C16orf96: variants seen among roughly 807,000 people sequenced by gnomAD.
The protein encoded by C16orf96 is uncharacterized protein C16orf96.
Under a neutral mutation model 103.6 loss-of-function variants are expected in C16orf96, and 108 were observed. The observed-to-expected ratio is 1.04, with a 90% CI of 0.89 to 1.22. The LOEUF is 1.22. Ranked by LOEUF, C16orf96 falls within the 50% of genes most tolerant of loss-of-function variation. C16orf96 has a pLI of 0.00. For synonymous variants in C16orf96, 566 were observed against 593.5 expected (o/e 0.95, Z 0.67); for missense variants, 1,586 against 1,464.2 (o/e 1.08, Z -1.36).
upstream of C16orf96, among the ~76,000 whole-genome samples, chr16:4,555,298 A>G (rs2059252550): frequency 2.3e-5 from 3 of 132,310 alleles, no homozygotes; most frequent in Admixed American, 2.3e-4. Context: ...ACACACACAC[A>G]CACACACACA....
intron 14 of C16orf96, among the ~76,000 whole-genome samples, chr16:4,595,118 C>T (rs952840208): frequency 6.6e-6 from 1 of 152,168 alleles, no homozygotes; most frequent in African/African-American, 2.4e-5. Flanking sequence ...TGCCAAGGGA[C>T]GCCAGTCCAC....
chr16:4,567,845 G>A (rs571086310), intron 1 of C16orf96, among the ~76,000 whole-genome samples: 2 of 151,050 alleles, frequency 1.3e-5, no homozygotes, highest in African/African-American at 4.9e-5. Flanking sequence ...CTACAGGCAC[G>A]CACCACCACA....
At chr16:4,579,845 A>G (rs1396097693) in intron 6 of C16orf96, among the ~76,000 whole-genome samples, 170 bp from the exon 7 acceptor site, 2 of 152,040 alleles carry the variant, frequency 1.3e-5, no homozygotes, top group South Asian at 2.1e-4. Flanking sequence ...TCCTGACCTC[A>G]GTTGATCTAC....
upstream of C16orf96, among the ~76,000 whole-genome samples, chr16:4,551,625 G>A (rs543853763): frequency 1.4e-5 from 2 of 146,684 alleles, no homozygotes; most frequent in African/African-American, 5.1e-5. Flanking sequence ...CTGATTTTTT[G>A]TATTTTTTTA....
chr16:4,560,091 C>T (rs1043090257), intron 1 of C16orf96: 2 of 152,178 alleles, frequency 1.3e-5, no homozygotes, highest in African/African-American at 2.4e-5. Flanking sequence ...AATCTCTGCT[C>T]ACTGCAACCT....
In C16orf96 at chr16:4,558,356, C is replaced by G. The variant is rs529913507; in HGVS notation, c.420+1447C>G. On this transcript the variant is annotated intron_variant, in intron 1 of 15. Transcript: ENST00000444310. ...ATAAGCCGAGCACAGTGGCTCACAC[C>G]TATAATCCCAACACTGGGAGGCCAA... Among the ~76,000 whole-genome samples the G allele has an allele frequency of 4.6e-5, 7 of 152,322 alleles. 1 individual carries two copies. The South Asian group carries it at 1.5e-3, about 32-fold the overall frequency.
chr16:4,599,181 G>T (rs1454601804), intron 14 of C16orf96, 103 bp from the exon 15 acceptor site: 2 of 906,536 alleles, frequency 2.2e-6, no homozygotes, highest in South Asian at 2.9e-5. Context: ...CCTGGGAAAT[G>T]GGGTTGGTCC....
In C16orf96 at chr16:4,556,729, C is replaced by G. The variant is rs2059267496; in HGVS notation, c.240C>G (p.Val80=). Residue 80 remains valine (V), a synonymous_variant, in exon 1 of 16, where the codon GTC becomes GTG. Coordinates refer to ENST00000444310, the MANE Select transcript of C16orf96 (RefSeq NM_001145011.2). ...ILNPMKRLSN[V]FDHVVSRLDK... ...ACCCCATGAAGAGGCTCAGCAATGT[C>G]TTCGACCACGTGGTGAGCCGCCTCG... is the stretch of plus-strand genomic sequence containing the variant. 1.1e-5 allele frequency: 17 copies of G among 1,551,690 alleles called. No homozygotes were observed. The highest frequency in any genetic ancestry group is 6.8e-5 in the African/African-American group (5 of 73,178).
chr16:4,596,860 C>A (rs547070370), intron 14 of C16orf96, among the ~76,000 whole-genome samples: 7 of 152,196 alleles, frequency 4.6e-5, no homozygotes, highest in African/African-American at 7.2e-5. Flanking sequence ...CTCCCTGTCT[C>A]TTCAGCTTCT....
intron 2 of C16orf96, among the ~76,000 whole-genome samples, chr16:4,574,019 A>G (rs2059470945): frequency 6.6e-6 from 1 of 151,166 alleles, no homozygotes; most frequent in Non-Finnish European, 1.5e-5. Context: ...TTTTTAGTGG[A>G]GGTGGGGGCT....
chr16:4,580,397 A>G (rs1395031279), intron 7 of C16orf96, among the ~76,000 whole-genome samples: 1 of 144,364 alleles, frequency 6.9e-6, no homozygotes, highest in Non-Finnish European at 1.5e-5. Flanking sequence ...GGGCAGGGGT[A>G]GTGAAGGCTC....
intron 10 of C16orf96, 76 bp downstream of exon 10, chr16:4,591,860 G>A: frequency 8.5e-7 from 1 of 1,178,810 alleles, no homozygotes; most frequent in Admixed American, 2.0e-5. Context: ...GGAAGCTCTG[G>A]GAGGAAAGAT....
chr16:4,546,549 C>T, the C16orf96 span, among the ~76,000 whole-genome samples: 3 of 151,010 alleles, frequency 2.0e-5, no homozygotes, highest in Non-Finnish European at 4.4e-5. Context: ...ACTGCAGCCT[C>T]GACCTTCCAA....
intron 14 of C16orf96, 98 bp from the exon 15 acceptor site, chr16:4,599,186 T>G: frequency 1.0e-6 from 1 of 978,948 alleles, no homozygotes; most frequent in Non-Finnish European, 1.6e-6. Flanking sequence ...GAAATGGGGT[T>G]GGTCCCACCA....
intron 5 of C16orf96, among the ~76,000 whole-genome samples, chr16:4,578,651 G>T (rs540377055): frequency 6.6e-6 from 1 of 151,932 alleles, no homozygotes; most frequent in African/African-American, 2.4e-5. Flanking sequence ...CCAGGTACTC[G>T]GGAGGCTGAG....
chr16:4,573,642 C>T (rs1235042511), intron 2 of C16orf96, among the ~76,000 whole-genome samples: 1 of 149,468 alleles, frequency 6.7e-6, no homozygotes, highest in Non-Finnish European at 1.5e-5. Context: ...GTCCCAGTTA[C>T]TCAGGAGGCT....
intron 1 of C16orf96, among the ~76,000 whole-genome samples, chr16:4,571,351 A>G (rs1000006921): frequency 6.6e-6 from 1 of 152,188 alleles, no homozygotes; most frequent in Non-Finnish European, 1.5e-5. Context: ...ATTCAAATAC[A>G]GAGTTGCCTC....
chr16:4,591,715 G>A lies in C16orf96; in HGVS notation c.2642G>A (p.Trp881Ter), dbSNP rs1054038841. 6 of 1,551,558 alleles carry A rather than the reference G, an allele frequency of 3.9e-6. No individual in the cohort carries two copies. Among genetic ancestry groups the A allele is most frequent in the Non-Finnish European group, 5.2e-6 (6 of 1,146,996 alleles). ...DPLKKEMEEV[W>*]KIVRKLLIEG... is the part of the protein sequence containing the mutation. ...TTGAAGAAAGAAATGGAAGAGGTCT[G>A]GAAAATCGTCCGGAAGCTGCTGATT... is the stretch of plus-strand genomic sequence containing the variant. Residue 881 changes from tryptophan to a stop codon, truncating the protein, a stop_gained, in exon 10 of 16, where the codon TGG becomes TAG. Transcript: ENST00000444310. LOFTEE classifies it high-confidence loss of function.
chr16:4,545,146 CTCTTCTGAA>C, the C16orf96 span, among the ~76,000 whole-genome samples: 1 of 152,170 alleles, frequency 6.6e-6, no homozygotes, highest in African/African-American at 2.4e-5. Context: ...TAGTTGGGTG[CTCTTCTGAA>C]TCCTCTCCCC....
Sources: gnomAD v4.1 joint callset for allele counts (sites outside exome capture counted in the v4.1 genomes callset) on GRCh38, gnomAD v4.1.1 for gene constraint, MANE v1.5 for transcripts, NCBI Gene and HGNC (gene_info 2026-07-23, HGNC 2026-07-21) for gene names.